SYT9: variants seen among roughly 807,000 people sequenced by gnomAD.
The protein encoded by SYT9 is synaptotagmin-9.
A neutral mutation model predicts 48.4 loss-of-function variants in SYT9; 22 were observed. The ratio of observed to expected loss-of-function variants is 0.45; its 90% CI spans 0.32 to 0.65. The LOEUF is 0.65. SYT9 is among the 30% of genes least tolerant of loss of function. The pLI, the probability that SYT9 is intolerant of heterozygous loss-of-function variation, is 0.03. For missense variants in SYT9, 577 were observed against 622.0 expected (o/e 0.93, Z 0.77); for synonymous variants, 265 against 245.0 (o/e 1.08, Z -0.76).
chr11:7,350,202 A>G (rs115809833), intron 3 of SYT9, among the ~76,000 whole-genome samples: 3,779 of 152,316 alleles, frequency 0.025, 117 homozygotes, highest in African/African-American at 0.067. Context: ...ATAACTTTCT[A>G]GAAGAACATT....
intron 2 of SYT9, among the ~76,000 whole-genome samples, chr11:7,307,951 A>G (rs148753741): frequency 1.3e-5 from 2 of 152,348 alleles, no homozygotes; most frequent in East Asian, 1.9e-4. Context: ...ACTGGCCCCA[A>G]GGCCTGATGC....
chr11:7,331,817 G>A (rs1849537931), intron 3 of SYT9, among the ~76,000 whole-genome samples: 1 of 152,156 alleles, frequency 6.6e-6, no homozygotes, highest in Non-Finnish European at 1.5e-5. Flanking sequence ...TGCTCTTCAA[G>A]CATCCTATAT....
intron 1 of SYT9, among the ~76,000 whole-genome samples, chr11:7,279,881 G>T (rs1848463146): frequency 6.6e-6 from 1 of 152,160 alleles, no homozygotes; most frequent in African/African-American, 2.4e-5. Context: ...GCCATCTGGT[G>T]ACAGCCACTT....
rs1165162261 is a variant in SYT9, at chr11:7,252,867, G to C, written c.145+536G>C. Among the ~76,000 whole-genome samples the C allele has an allele frequency of 1.3e-5, 2 of 152,218 alleles. No individual in the cohort carries two copies. Among genetic ancestry groups the C allele is most frequent in the Admixed American group, 6.5e-5 (1 of 15,292 alleles). ...GGACGCGATCCGGCGTTGGGCCGGG[G>C]ACAGGGTGCTTCTGGCCTTGGGCAG... On this transcript the variant is annotated intron_variant, in intron 1 of 6. Coordinates refer to ENST00000318881, the MANE Select transcript of SYT9 (RefSeq NM_175733.4). This position sits in a 1 kb window ranked among gnomAD's most constrained non-coding sequence, Gnocchi z 6.3.
intron 3 of SYT9, among the ~76,000 whole-genome samples, chr11:7,335,773 T>C (rs11041322): frequency 0.1 from 15,732 of 152,246 alleles, 982 homozygotes; most frequent in East Asian, 0.27. Context: ...GTTGATTCCA[T>C]GTCTTGCTAT....
At chr11:7,323,670 T>C (rs1041508567) in intron 3 of SYT9, among the ~76,000 whole-genome samples, 1 of 152,032 alleles carries the variant, frequency 6.6e-6, no homozygotes, top group Non-Finnish European at 1.5e-5. Flanking sequence ...GTTTTGTTCC[T>C]TTTATCTTTT....
intron 3 of SYT9, among the ~76,000 whole-genome samples, chr11:7,381,642 CCTGA>C (rs1354734319): frequency 6.6e-6 from 1 of 152,132 alleles, no homozygotes; most frequent in Non-Finnish European, 1.5e-5. Context: ...CCACACCTTC[CCTGA>C]CTGTTTGGGA....
At chr11:7,261,040 A>G (rs1226664103) in intron 1 of SYT9, among the ~76,000 whole-genome samples, 1 of 152,228 alleles carries the variant, frequency 6.6e-6, no homozygotes. Context: ...AGTGCCCACC[A>G]AGCCACGCTG....
intron 6 of SYT9, among the ~76,000 whole-genome samples, chr11:7,442,895 C>A (rs1847853857): frequency 6.6e-6 from 1 of 152,098 alleles, no homozygotes; most frequent in Non-Finnish European, 1.5e-5. Context: ...ACGCGATGTC[C>A]AGACACTGAG....
At chr11:7,434,800 G>A (rs930219866) in intron 6 of SYT9, among the ~76,000 whole-genome samples, 2 of 152,078 alleles carry the variant, frequency 1.3e-5, no homozygotes, top group Non-Finnish European at 1.5e-5. Flanking sequence ...TGTATTTATG[G>A]GTGAGTAGTT....
intron 1 of SYT9, among the ~76,000 whole-genome samples, chr11:7,287,428 A>G (rs7116506): frequency 0.015 from 2,217 of 152,296 alleles, 52 homozygotes; most frequent in African/African-American, 0.048. Context: ...ATCAATGCCC[A>G]TATTAAATTA....
At chr11:7,359,662 T>A (rs1850093101) in intron 3 of SYT9, among the ~76,000 whole-genome samples, 1 of 99,580 alleles carries the variant, frequency 1.0e-5, no homozygotes, top group Admixed American at 1.1e-4. Flanking sequence ...TTGAGAAGTG[T>A]CTGTTCACGT....
At chr11:7,383,635 C>G (rs944017010) in intron 3 of SYT9, among the ~76,000 whole-genome samples, 6 of 151,810 alleles carry the variant, frequency 4.0e-5, no homozygotes, top group African/African-American at 1.4e-4. Context: ...ATAACAGCTA[C>G]GTCATGTTCA....
chr11:7,323,211 A>G (rs960114608), intron 3 of SYT9, among the ~76,000 whole-genome samples: 5 of 152,090 alleles, frequency 3.3e-5, no homozygotes. Context: ...TATACCTAGG[A>G]ATGGAGTTGC....
chr11:7,468,079 A>T lies in SYT9; in HGVS notation c.*1279A>T, dbSNP rs1415372993. The T allele has an allele frequency of 7.7e-6, 3 of 390,714 alleles. No homozygotes were observed. Among genetic ancestry groups the T allele is most frequent in the Non-Finnish European group, 9.0e-6 (2 of 221,410 alleles). 24.2% of individuals were successfully genotyped at this position (390,714 alleles called of 1,614,324 possible). A position where few individuals can be genotyped will look rare whatever the true frequency, so the allele number is the denominator to read the frequency against. On this transcript the variant is annotated 3_prime_UTR_variant, in exon 7 of 7. Coordinates refer to ENST00000318881, the MANE Select transcript of SYT9 (RefSeq NM_175733.4). ...ACCTAATGGTCCTCTCTGTCCCATT[A>T]TAGGTGCAAGGCACCCCATCCACAC...
intron 3 of SYT9, among the ~76,000 whole-genome samples, chr11:7,390,212 C>T (rs182672694): frequency 1.9e-4 from 29 of 152,280 alleles, no homozygotes; most frequent in African/African-American, 7.0e-4. Context: ...TCAACTCCCA[C>T]TTATGAGTGA....
intron 1 of SYT9, among the ~76,000 whole-genome samples, chr11:7,269,145 T>C (rs1848248820): frequency 6.6e-6 from 1 of 152,070 alleles, no homozygotes; most frequent in Non-Finnish European, 1.5e-5. Flanking sequence ...GACATTTGGC[T>C]TTTTTCCAAT....
intron 3 of SYT9, among the ~76,000 whole-genome samples, chr11:7,375,932 C>T (rs4757992): frequency 0.25 from 37,944 of 151,788 alleles, 6,026 homozygotes; most frequent in East Asian, 0.62. Flanking sequence ...TCCCTCACTT[C>T]CTTCAGGTCT....
chr11:7,408,580 A>T (rs1053753622), intron 3 of SYT9, among the ~76,000 whole-genome samples: 3 of 152,100 alleles, frequency 2.0e-5, no homozygotes, highest in Admixed American at 2.0e-4. Flanking sequence ...GTTCTTAGGT[A>T]TTTTTTGTAG....
Sources: allele counts gnomAD v4.1 joint callset (sites outside exome capture counted in the v4.1 genomes callset), GRCh38; gene constraint gnomAD v4.1.1; non-coding constraint Gnocchi (gnomAD v3.1); transcripts MANE v1.5; gene names NCBI Gene and HGNC (gene_info 2026-07-23, HGNC 2026-07-21).